Variants in HAS1 observed in about 807,000 individuals in gnomAD.
HAS1 encodes hyaluronan synthase 1.
HAS1 carries 27 observed loss-of-function variants against 35.0 expected under a neutral mutation model. That is an observed-to-expected ratio of 0.77 (90% CI 0.57 to 1.06). The LOEUF (loss-of-function observed/expected upper bound fraction) is 1.06. Ranked by LOEUF, HAS1 falls within the 50% of genes least tolerant of loss-of-function variation. HAS1 has a pLI of 0.00. For synonymous variants in HAS1, 409 were observed against 371.2 expected, an observed-to-expected ratio of 1.10 and a Z score of -1.17; for missense variants, 940 against 814.8, an observed-to-expected ratio of 1.15 and a Z score of -1.87.
At chr19:51,714,152 G>A (rs75977318) in intron 4 of HAS1, 50 bp from the exon 5 acceptor site, 93,789 of 1,573,074 alleles carry the variant, frequency 0.06, 3,074 homozygotes, top group East Asian at 0.13. Flanking sequence ...CCTGGGGCCT[G>A]GGCAGGATTC....
At position 51,718,317 on chromosome 19, in the gene HAS1, T is replaced by C. The variant is rs2083600134; in HGVS notation, c.699+889A>G. ...GAAATTAATCTGTATATTGAATACA[T>C]AGATAGATGGCTGAGTGGTTGAATG... On this transcript the variant is annotated intron_variant, in intron 2 of 4. Transcript: ENST00000540069. Among the ~76,000 whole-genome samples, 3 of 151,526 alleles carry C rather than the reference T, an allele frequency of 2.0e-5. No homozygotes were observed. In the South Asian group the frequency reaches 6.2e-4, roughly 32 times the overall value.
rs2083609992 is a variant in HAS1 at position 51,719,501 on chromosome 19, C to A, written c.404G>T (p.Gly135Val). 6.5e-7 allele frequency: 1 copy of A among 1,550,108 alleles called. No individual in the cohort carries two copies. The highest frequency in any genetic ancestry group is 8.7e-7 in the Non-Finnish European group (1 of 1,146,504). Residue 135 changes from glycine to valine, a missense_variant, in exon 2 of 5, where the codon GGC becomes GTC. Physicochemically the swap from Gly to Val is moderately radical, Grantham distance 109. Transcript: ENST00000540069. ...ARLRVLMVVD[G>V]NRAEDLYMVD... is the part of the protein sequence containing the mutation. ...CATGTAGAGGTCCTCGGCGCGGTTG[C>A]CATCCACCACCATGAGGACGCGCAG... is the stretch of plus-strand genomic sequence containing the variant.
chr19:51,716,225 C>A, intron 4 of HAS1, 31 bp downstream of exon 4: 3 of 1,597,594 alleles, frequency 1.9e-6, no homozygotes, highest in Non-Finnish European at 2.6e-6. Flanking sequence ...GGCCTCCACA[C>A]ATACCCGACC....
At position 51,720,076 on chromosome 19, in the gene HAS1, G is replaced by GTC. The variant is rs137889042; in HGVS notation, c.10-183_10-182dup. On this transcript the variant is annotated intron_variant, in intron 1 of 4. Transcript: ENST00000540069. The stretch of plus-strand genomic sequence containing the variant: ...TCTCTCTCTCTGTGTCTGTCTCGCT[G>GTC]TCTCTCTCTCTCTCTCGCTCTCGCT... 2,460 of 517,714 alleles carry GTC rather than the reference G, an allele frequency of 4.8e-3. 10 individuals carry two copies. The highest frequency in any genetic ancestry group is 0.021 in the African/African-American group (944 of 45,690). The allele number at this position is 517,714 out of a possible 1,614,324, so 32.1% of individuals were successfully genotyped here. A position where few individuals can be genotyped will look rare whatever the true frequency, so the allele number is the denominator to read the frequency against.
rs775898159 is a variant in HAS1 at position 51,713,866 on chromosome 19, C to G, written c.1295G>C (p.Trp432Ser). 84 of 1,606,630 alleles carry G rather than the reference C, an allele frequency of 5.2e-5. No homozygotes were observed. The East Asian group carries it at 1.8e-3, about 34-fold the overall frequency. The change falls in exon 5 of 5, where the codon TGG becomes TCG. Residue 432 changes from tryptophan to serine, a missense_variant. Trp to Ser is a radical substitution (Grantham distance 177, BLOSUM62 -3). Coordinates refer to ENST00000540069, the MANE Select transcript of HAS1 (RefSeq NM_001297436.2). This position sits in a 1 kb window ranked among gnomAD's most constrained non-coding sequence, Gnocchi z 4.5. The stretch of plus-strand genomic sequence containing the variant: ...CACGCCCTGCACGCACAGCAGCACC[C>G]ACAGCAGCGCCCAAGGGCGGCCCGC... ...FYAGRPWALL[W>S]VLLCVQGVAL...
intron 3 of HAS1, 85 bp downstream of exon 3, chr19:51,716,883 C>T: frequency 1.1e-6 from 1 of 934,576 alleles, no homozygotes; most frequent in Non-Finnish European, 1.7e-6. Context: ...TTGTTCCCAA[C>T]CCCAGTCACA....
In HAS1 at chr19:51,719,440, G is replaced by T. The variant is rs1280041388; in HGVS notation, c.465C>A (p.Asp155Glu). The change falls in exon 2 of 5, where the codon GAC becomes GAA. Residue 155 changes from aspartate (D) to glutamate (E), a missense_variant. By Grantham distance (45) the Asp-to-Glu change is conservative. Transcript: ENST00000540069. ...DMFREVFADE[D>E]PATYVWDGNY... The stretch of plus-strand genomic sequence containing the variant: ...TGCCGTCCCACACGTACGTGGCGGG[G>T]TCCTCGTCAGCGAAGACCTCGCGGA... 3 of 1,553,414 alleles carry T rather than the reference G, an allele frequency of 1.9e-6. No homozygotes were observed. Among genetic ancestry groups the T allele is most frequent in the South Asian group, 1.2e-5 (1 of 84,826 alleles).
At position 51,713,749 on chromosome 19, in the gene HAS1, A is replaced by G. The variant is rs2083559797; in HGVS notation, c.1412T>C (p.Leu471Pro). 1 of 1,607,208 alleles carries G rather than the reference A, an allele frequency of 6.2e-7. No homozygotes were observed. Among genetic ancestry groups the G allele is most frequent in the African/African-American group, 1.3e-5 (1 of 74,890 alleles). Reference sequence around the variant, plus strand: ...TAGCGCCAGGAACTTGGCAGGCAGGAGGCCACACATGTAGAGGGGCGCGTA... The same window carrying G: ...TAGCGCCAGGAACTTGGCAGGCAGGGGGCCACACATGTAGAGGGGCGCGTA... The part of the protein sequence containing the change: ...SLYAPLYMCG[L>P]LPAKFLALVT... The change falls in exon 5 of 5, where the codon CTC becomes CCC. Residue 471 changes from leucine (L) to proline (P), a missense_variant. Physicochemically the swap from Leu to Pro is moderately conservative, Grantham distance 98. Coordinates refer to ENST00000540069, the MANE Select transcript of HAS1 (RefSeq NM_001297436.2). This position sits in a 1 kb window ranked among gnomAD's most constrained non-coding sequence, Gnocchi z 4.5.
chr19:51,721,390 C>T (rs1233403035), intron 1 of HAS1, among the ~76,000 whole-genome samples: 6 of 152,154 alleles, frequency 3.9e-5, no homozygotes, highest in Non-Finnish European at 8.8e-5. Flanking sequence ...GTAAATGTTG[C>T]TGGAAGAGCC....
chr19:51,719,324 G>T lies in HAS1; in HGVS notation c.581C>A (p.Ala194Glu). ...EVEAEDPGRL[A>E]VEALVRTRRC... Reference sequence around the variant, plus strand: ...GCGAGTCCTCACCAGCGCCTCCACTGCCAGCCGCCCAGGATCCTCCGCCTC... The same window carrying T: ...GCGAGTCCTCACCAGCGCCTCCACTTCCAGCCGCCCAGGATCCTCCGCCTC... The change falls in exon 2 of 5, where the codon GCA (alanine) becomes GAA (glutamate). Residue 194 changes from alanine (A) to glutamate (E), a missense_variant. Transcript: ENST00000540069. 1 of 1,612,274 alleles carries T rather than the reference G, an allele frequency of 6.2e-7. No individual in the cohort carries two copies. The highest frequency in any genetic ancestry group is 8.5e-7 in the Non-Finnish European group (1 of 1,179,272).
rs1350773508 is a variant in HAS1 at position 51,719,536 on chromosome 19, C to CGA, written c.368_369insTC (p.Leu127GlyfsTer74). 2 of 1,548,400 alleles carry CGA rather than the reference C, an allele frequency of 1.3e-6. No homozygotes were observed. The highest frequency in any genetic ancestry group is 2.0e-5 in the Admixed American group (1 of 50,866). On this transcript the variant is annotated frameshift_variant, in exon 2 of 5. Coordinates refer to ENST00000540069, the MANE Select transcript of HAS1 (RefSeq NM_001297436.2). LOFTEE classifies it high-confidence loss of function. ...CCATGAGGACGCGCAGCCGCGCGCG[C>CGA]GGGTACAGCAGGGCGCGGGCGGACG...
rs552280333 is a variant in HAS1, at chr19:51,713,743, G to A, written c.1418C>T (p.Pro473Leu). The A allele has an allele frequency of 6.2e-7, 1 of 1,607,222 alleles. No homozygotes were observed. Among genetic ancestry groups the A allele is most frequent in the South Asian group, 1.1e-5 (1 of 90,222 alleles). Residue 473 changes from proline (P) to leucine (L), a missense_variant, in exon 5 of 5, where the codon CCT (proline) becomes CTT (leucine). Transcript: ENST00000540069. This position sits in a 1 kb window ranked among gnomAD's most constrained non-coding sequence, Gnocchi z 4.5. Reference protein sequence around the residue: ...YAPLYMCGLLPAKFLALVTMN... With the variant: ...YAPLYMCGLLLAKFLALVTMN... ...GGTGACTAGCGCCAGGAACTTGGCA[G>A]GCAGGAGGCCACACATGTAGAGGGG...
In HAS1 at chr19:51,716,350, C is replaced by T; in HGVS notation, c.964G>A (p.Ala322Thr). 1 of 1,613,764 alleles carries T rather than the reference C, an allele frequency of 6.2e-7. No homozygotes were observed. Among genetic ancestry groups the T allele is most frequent in the Non-Finnish European group, 8.5e-7 (1 of 1,179,786 alleles). ...RNNLLQQFLE[A>T]WYNQKFLGTH... ...CCCAGGAACTTCTGGTTGTACCAGG[C>T]CTCAAGAAACTGCTGCAAGAGGTTA... Residue 322 changes from alanine (A) to threonine (T), a missense_variant, in exon 4 of 5, where the codon GCC becomes ACC. Transcript: ENST00000540069.
chr19:51,714,796 A>T (rs2122249630), intron 4 of HAS1, among the ~76,000 whole-genome samples: 1 of 152,084 alleles, frequency 6.6e-6, no homozygotes, highest in South Asian at 2.1e-4. Context: ...TGCTCAATAA[A>T]TGTTAGCTAC....
At chr19:51,719,923 G>A (rs1225187612) in intron 1 of HAS1, 28 bp from the exon 2 acceptor site, 4 of 1,463,950 alleles carry the variant, frequency 2.7e-6, no homozygotes, top group South Asian at 1.2e-5. Context: ...GGAAAGGAAG[G>A]GGCATGAGTC....
chr19:51,719,624 C>T lies in HAS1; in HGVS notation c.281G>A (p.Arg94His). Residue 94 changes from arginine to histidine, a missense_variant, in exon 2 of 5, where the codon CGC becomes CAC. Transcript: ENST00000540069. ...GGCGGAGATGGTCAGCGCCACACTG[C>T]GCGCGGTGGCTGCATCCAGCGGCCC... Reference protein sequence around the residue: ...ARGPLDAATARSVALTISAYQ... With the variant: ...ARGPLDAATAHSVALTISAYQ... 6.5e-7 allele frequency: 1 copy of T among 1,538,938 alleles called. No individual in the cohort carries two copies.
rs372673212 is a variant in HAS1, at chr19:51,717,118, C to T, written c.775G>A (p.Val259Ile). The part of the protein sequence containing the change: ...LVRVLDEDPR[V>I]GAVGGDVRIL... ...CGCACGTCCCCACCAACAGCCCCTA[C>T]CCGGGGGTCCTCGTCCAGTACCCGC... Residue 259 changes from valine (V) to isoleucine (I), a missense_variant, in exon 3 of 5, where the codon GTA becomes ATA. Val to Ile is a conservative substitution (Grantham distance 29). Transcript: ENST00000540069. 7 of 1,614,062 alleles carry T rather than the reference C, an allele frequency of 4.3e-6. No homozygotes were observed. The highest frequency in any genetic ancestry group is 5.9e-6 in the Non-Finnish European group (7 of 1,179,934).
rs1298157546 is a variant in HAS1, at chr19:51,719,368, G to A, written c.537C>T (p.Ala179=). The change falls in exon 2 of 5, where the codon GCC becomes GCT. Residue 179 remains alanine (A), a synonymous_variant. Transcript: ENST00000540069. ...WEPAAAGAVG[A]GAYREVEAED... is the part of the protein sequence containing the mutation. The stretch of plus-strand genomic sequence containing the variant: ...CCGCCTCCACCTCCCGATAGGCTCC[G>A]GCGCCCACCGCGCCCGCCGCCGCGG... 2 of 1,596,084 alleles carry A rather than the reference G, an allele frequency of 1.3e-6. No individual in the cohort carries two copies. Among genetic ancestry groups the A allele is most frequent in the African/African-American group, 2.7e-5 (2 of 74,330 alleles).
intron 2 of HAS1, 47 bp downstream of exon 2, chr19:51,719,159 G>T: frequency 8.3e-7 from 1 of 1,208,874 alleles, no homozygotes; most frequent in Non-Finnish European, 1.2e-6. Flanking sequence ...AGGAAAGTGG[G>T]ATTTGGGTGT....
Sources: allele counts gnomAD v4.1 joint callset (sites outside exome capture counted in the v4.1 genomes callset), GRCh38; gene constraint gnomAD v4.1.1; non-coding constraint Gnocchi (gnomAD v3.1); transcripts MANE v1.5; gene names NCBI Gene and HGNC (gene_info 2026-07-23, HGNC 2026-07-21).